The following SYNPR variants were observed in gnomAD, a reference collection of about 807,000 sequenced individuals.
SYNPR encodes synaptoporin.
A neutral mutation model predicts 32.9 loss-of-function variants in SYNPR; 23 were observed. The observed-to-expected ratio is 0.70, with a 90% CI of 0.50 to 0.99. The LOEUF (loss-of-function observed/expected upper bound fraction) is 0.99. Among genes scored for constraint, SYNPR ranks in the 50% least tolerant of loss-of-function variants. SYNPR has a pLI of 0.00. For synonymous variants in SYNPR, 146 were observed against 135.9 expected, an observed-to-expected ratio of 1.07 and a Z score of -0.52; for missense variants, 318 against 349.3, an observed-to-expected ratio of 0.91 and a Z score of 0.71.
At chr3:63,501,695 T>C (rs1388904065) in intron 3 of SYNPR, among the ~76,000 whole-genome samples, 1 of 152,172 alleles carries the variant, frequency 6.6e-6, no homozygotes, top group Non-Finnish European at 1.5e-5. Context: ...TAGGATATGA[T>C]GACTTTAAGA....
At chr3:63,299,767 A>C (rs573740436) in intron 2 of SYNPR, among the ~76,000 whole-genome samples, 1 of 152,324 alleles carries the variant, frequency 6.6e-6, no homozygotes, top group Non-Finnish European at 1.5e-5. Flanking sequence ...CAAATTTTGT[A>C]AGGAAATGTG....
At chr3:63,413,809 C>A (rs960198131) in intron 2 of SYNPR, among the ~76,000 whole-genome samples, 1 of 152,070 alleles carries the variant, frequency 6.6e-6, no homozygotes, top group East Asian at 1.9e-4. Context: ...GTTTTCCATG[C>A]TGCCCAGATG....
intron 3 of SYNPR, among the ~76,000 whole-genome samples, chr3:63,486,622 C>T (rs889529187): frequency 3.9e-5 from 6 of 152,130 alleles, no homozygotes; most frequent in Admixed American, 2.6e-4. Flanking sequence ...AGAACATTAC[C>T]ATCTTTAAAG....
Position 63,248,678 on chromosome 3 carries a change from T to C in SYNPR, n.67-3821T>C, listed in dbSNP as rs2086309221. 5.3e-5 allele frequency among the ~76,000 whole-genome samples: 8 copies of C among 152,128 alleles called. No individual in the cohort carries two copies. The South Asian group carries it at 1.2e-3, about 24-fold the overall frequency. ...TTGTTGTGGAAACTGTTTGAGACAG[T>C]GACAACATAAGATATGTGAAATAGA... On this transcript the variant is annotated intron_variant and non_coding_transcript_variant, in intron 1 of 4. Coordinates refer to the SYNPR transcript ENST00000478456.
At chr3:63,414,295 T>A (rs1014499706) in intron 2 of SYNPR, among the ~76,000 whole-genome samples, 3 of 152,156 alleles carry the variant, frequency 2.0e-5, no homozygotes, top group African/African-American at 7.2e-5. Flanking sequence ...AAACATTAAA[T>A]ATCTTTTGAA....
At chr3:63,410,022 T>G (rs1188907671) in intron 2 of SYNPR, among the ~76,000 whole-genome samples, 1 of 140,532 alleles carries the variant, frequency 7.1e-6, no homozygotes, top group East Asian at 2.0e-4. Flanking sequence ...CATCCATTCT[T>G]TAGTGGACAA....
At chr3:63,415,762 T>C (rs2088531622) in intron 2 of SYNPR, among the ~76,000 whole-genome samples, 1 of 152,218 alleles carries the variant, frequency 6.6e-6, no homozygotes, top group Non-Finnish European at 1.5e-5. Context: ...ATCAATAAAT[T>C]ATAATTGTAA....
chr3:63,481,174 T>G (rs749833107), intron 3 of SYNPR, among the ~76,000 whole-genome samples: 1 of 136,940 alleles, frequency 7.3e-6, no homozygotes, highest in Non-Finnish European at 1.6e-5. Context: ...CTGACTCTCC[T>G]CAAAAAAAAA....
At chr3:63,593,150 A>G (rs1699870738) in intron 4 of SYNPR, among the ~76,000 whole-genome samples, 1 of 152,110 alleles carries the variant, frequency 6.6e-6, no homozygotes, top group African/African-American at 2.4e-5. Flanking sequence ...ACAGCACCTG[A>G]CCCATAGTAA....
intron 2 of SYNPR, among the ~76,000 whole-genome samples, chr3:63,340,581 G>A (rs1264279588): frequency 6.6e-6 from 1 of 151,150 alleles, no homozygotes; most frequent in African/African-American, 2.4e-5. Flanking sequence ...CACTACGCCC[G>A]GCTAATTTTT....
At position 63,303,077 on chromosome 3, in the gene SYNPR, C is replaced by T. The variant is rs572318056; in HGVS notation, c.84+24335C>T. ...ACAGTGAAGAATTCATTTTCATAAA[C>T]ATATGTTTTAAGAGGTGAAGATTGT... On this transcript the variant is annotated intron_variant, in intron 2 of 5. Transcript: ENST00000478300. Among the ~76,000 whole-genome samples, 146 of 151,374 alleles carry T rather than the reference C, an allele frequency of 9.6e-4. No individual in the cohort carries two copies. The Middle Eastern group carries it at 0.01, about 11-fold the overall frequency.
intron 4 of SYNPR, among the ~76,000 whole-genome samples, chr3:63,579,619 C>A (rs1027538121): frequency 6.6e-6 from 1 of 152,070 alleles, no homozygotes; most frequent in East Asian, 1.9e-4. Context: ...TAGAAAGATG[C>A]TCAACATGAG....
chr3:63,211,630 C>T, the SYNPR span, among the ~76,000 whole-genome samples: 1 of 152,024 alleles, frequency 6.6e-6, no homozygotes, highest in Non-Finnish European at 1.5e-5. Context: ...AAAAATTAGC[C>T]TGCCATATCA....
intron 2 of SYNPR, among the ~76,000 whole-genome samples, chr3:63,474,081 T>A (rs1052531437): frequency 1.3e-5 from 2 of 152,168 alleles, no homozygotes; most frequent in African/African-American, 4.8e-5. Context: ...CAGCCAACGA[T>A]GTGTGGTGAG....
chr3:63,545,028 A>G (rs1053735941), intron 3 of SYNPR, among the ~76,000 whole-genome samples: 12 of 32,068 alleles, frequency 3.7e-4, no homozygotes, highest in South Asian at 3.7e-3. Context: ...GATTTAGGGG[A>G]AAAAAAAAAA....
chr3:63,402,332 G>C (rs546402207), intron 2 of SYNPR, among the ~76,000 whole-genome samples: 1 of 152,194 alleles, frequency 6.6e-6, no homozygotes, highest in Admixed American at 6.5e-5. Context: ...TGGGGCTAAG[G>C]GTAGAACGGG....
intron 3 of SYNPR, among the ~76,000 whole-genome samples, chr3:63,508,139 C>A (rs903333549): frequency 2.6e-4 from 39 of 152,188 alleles, no homozygotes; most frequent in African/African-American, 8.7e-4. Context: ...GCTACTCTTT[C>A]GAATAGCATA....
intron 2 of SYNPR, among the ~76,000 whole-genome samples, chr3:63,381,194 C>A (rs1215357893): frequency 2.0e-5 from 3 of 152,210 alleles, no homozygotes; most frequent in East Asian, 1.9e-4. Flanking sequence ...TGAGAAGCAA[C>A]TTCAGCAAAG....
intron 2 of SYNPR, among the ~76,000 whole-genome samples, chr3:63,397,131 A>G (rs959762398): frequency 1.3e-5 from 2 of 151,162 alleles, no homozygotes; most frequent in Non-Finnish European, 2.9e-5. Context: ...AAAAATTCAC[A>G]TTAAAAATAT....
Sources: gnomAD v4.1 joint callset for allele counts (sites outside exome capture counted in the v4.1 genomes callset) on GRCh38, gnomAD v4.1.1 for gene constraint, MANE v1.5 for transcripts, NCBI Gene and HGNC (gene_info 2026-07-23, HGNC 2026-07-21) for gene names.